Variants in UGT2A1 observed in about 807,000 individuals in gnomAD.
UGT2A1 encodes UDP glucuronosyltransferase family 2 member A1 complex locus.
In UGT2A1, 61 loss-of-function variants were observed where a neutral mutation model predicts 45.4. That is an observed-to-expected ratio of 1.34 (90% CI 1.09 to 1.66). The LOEUF (loss-of-function observed/expected upper bound fraction) is 1.66, where lower values mean the gene tolerates loss of function less well. Among genes scored for constraint, UGT2A1 ranks in the 40% most tolerant of loss-of-function variants. UGT2A1 has a pLI of 0.00. For missense variants in UGT2A1, 649 were observed against 574.3 expected, an observed-to-expected ratio of 1.13 and a Z score of -1.33; for synonymous variants, 229 against 196.2, an observed-to-expected ratio of 1.17 and a Z score of -1.40.
chr4:69,594,474 T>C lies in UGT2A1; in HGVS notation c.1304+3A>G. On this transcript the variant is annotated splice_donor_region_variant and intron_variant, in intron 6 of 6. Transcript: ENST00000286604. Reference sequence around the variant, plus strand: ...GCAAGTTTTTAGGAGCCTTAGTACTTACGAAGGTTCATTAATGACTGTTCT... The same window carrying C: ...GCAAGTTTTTAGGAGCCTTAGTACTCACGAAGGTTCATTAATGACTGTTCT... 1 of 1,614,068 alleles carries C rather than the reference T, an allele frequency of 6.2e-7. No homozygotes were observed. Among genetic ancestry groups the C allele is most frequent in the Non-Finnish European group, 8.5e-7 (1 of 1,179,990 alleles).
intron 3 of UGT2A1, among the ~76,000 whole-genome samples, chr4:69,634,973 C>T (rs1473086638): frequency 1.3e-5 from 2 of 151,868 alleles, no homozygotes; most frequent in African/African-American, 4.8e-5. Flanking sequence ...TCTAAGAATC[C>T]ATCTAAAATT....
intron 3 of UGT2A1, among the ~76,000 whole-genome samples, chr4:69,602,463 TTATCTATCTATC>T (rs71206000): frequency 0.01 from 1,038 of 100,912 alleles, 231 homozygotes; most frequent in African/African-American, 0.034. Flanking sequence ...ATTTAGGAGT[TTATCTATCTATC>T]TATCTATCTA....
At chr4:69,623,884 C>T (rs868237165) in intron 3 of UGT2A1, among the ~76,000 whole-genome samples, 1 of 151,264 alleles carries the variant, frequency 6.6e-6, no homozygotes, top group African/African-American at 2.4e-5. Flanking sequence ...AAAATACAAA[C>T]AAGAAAGATA....
intron 6 of UGT2A1, among the ~76,000 whole-genome samples, chr4:69,594,276 T>C (rs1280251519): frequency 6.6e-6 from 1 of 152,072 alleles, no homozygotes; most frequent in Non-Finnish European, 1.5e-5. Context: ...GCCCGGCCAA[T>C]ATTTGAAGTC....
At chr4:69,650,747 C>T (rs1232451980) in intron 1 of UGT2A1, among the ~76,000 whole-genome samples, 2 of 152,024 alleles carry the variant, frequency 1.3e-5, no homozygotes, top group Non-Finnish European at 2.9e-5. Flanking sequence ...CATGTAATCC[C>T]TTCTCTTTCT....
chr4:69,594,438 A>G, intron 6 of UGT2A1, 39 bp downstream of exon 6: 1 of 1,603,726 alleles, frequency 6.2e-7, no homozygotes, highest in Non-Finnish European at 8.5e-7. Context: ...GAATAATGTA[A>G]TTAAAGTTAG....
intron 3 of UGT2A1, among the ~76,000 whole-genome samples, chr4:69,630,716 A>G (rs1250170184): frequency 6.6e-6 from 1 of 152,136 alleles, no homozygotes; most frequent in East Asian, 1.9e-4. Flanking sequence ...AGGATGTATA[A>G]AAATTATATA....
intron 1 of UGT2A1, among the ~76,000 whole-genome samples, chr4:69,652,062 A>G (rs1340227690): frequency 6.0e-5 from 9 of 150,904 alleles, no homozygotes; most frequent in Admixed American, 2.7e-4. Context: ...CTGCTCTGAA[A>G]CTCCCGTCAG....
intron 1 of UGT2A1, among the ~76,000 whole-genome samples, chr4:69,648,667 T>A (rs556362560): frequency 6.6e-6 from 1 of 152,166 alleles, no homozygotes; most frequent in Admixed American, 6.6e-5. Flanking sequence ...ATTTGCCATG[T>A]TCCTACAGCA....
rs1472565426 is a variant in UGT2A1 at position 69,602,285 on chromosome 4, A to C, written c.848-2891T>G. On this transcript the variant is annotated intron_variant, in intron 3 of 6. Transcript: ENST00000286604. ...TAGAAAAGAATTTCTTTACACCAAC[A>C]AAGGCACTCCAAACAAAAAAGTTTC... is the stretch of plus-strand genomic sequence containing the variant. 5.8e-5 allele frequency among the ~76,000 whole-genome samples: 8 copies of C among 137,250 alleles called. 2 individuals carry two copies. Among genetic ancestry groups the C allele is most frequent in the African/African-American group, 1.5e-4 (5 of 34,106 alleles). 90.0% of individuals were successfully genotyped at this position (137,250 alleles called of 152,430 possible). A position where few individuals can be genotyped will look rare whatever the true frequency, so the allele number is the denominator to read the frequency against.
chr4:69,595,763 A>G (rs1718886651), intron 4 of UGT2A1, among the ~76,000 whole-genome samples: 1 of 152,220 alleles, frequency 6.6e-6, no homozygotes, highest in Admixed American at 6.5e-5. Flanking sequence ...GAGAATATTC[A>G]ACTTAGAAAG....
intron 4 of UGT2A1, 54 bp from the exon 5 acceptor site, chr4:69,595,303 A>C: frequency 6.3e-7 from 1 of 1,586,864 alleles, no homozygotes; most frequent in Non-Finnish European, 8.6e-7. Flanking sequence ...AGGACATTTT[A>C]AGTTGGGAGA....
intron 2 of UGT2A1, among the ~76,000 whole-genome samples, chr4:69,642,132 T>C (rs1325755804): frequency 6.6e-6 from 1 of 151,818 alleles, no homozygotes; most frequent in Non-Finnish European, 1.5e-5. Context: ...AAGAAATATA[T>C]GCATATAAAA....
intron 3 of UGT2A1, among the ~76,000 whole-genome samples, chr4:69,618,461 T>A (rs1178498223): frequency 6.6e-6 from 1 of 151,940 alleles, no homozygotes; most frequent in East Asian, 1.9e-4. Flanking sequence ...AACACATTTC[T>A]AACTTTGTTT....
chr4:69,651,493 A>C lies in UGT2A1; in HGVS notation c.-55+1695T>G, dbSNP rs1054124733. On this transcript the variant is annotated intron_variant, in intron 1 of 6. Coordinates refer to ENST00000286604, the MANE Select transcript of UGT2A1 (RefSeq NM_001252275.3). ...GAAAAAAACTAACGTATTTCAGAAG[A>C]AGCTAGCATACTCAAATATTTTCAT... Among the ~76,000 whole-genome samples the C allele has an allele frequency of 2.6e-5, 4 of 152,226 alleles. No homozygotes were observed. In the East Asian group the frequency reaches 7.7e-4, roughly 29 times the overall value.
At chr4:69,652,972 C>T (rs1219563463) in intron 1 of UGT2A1, among the ~76,000 whole-genome samples, 1 of 152,122 alleles carries the variant, frequency 6.6e-6, no homozygotes, top group Non-Finnish European at 1.5e-5. Flanking sequence ...CACACAGTTC[C>T]CTCGATATCT....
At chr4:69,600,496 C>A (rs1560470647) in intron 3 of UGT2A1, among the ~76,000 whole-genome samples, 1 of 152,140 alleles carries the variant, frequency 6.6e-6, no homozygotes, top group African/African-American at 2.4e-5. Flanking sequence ...TGTGCTATGG[C>A]CACAGGCACA....
intron 2 of UGT2A1, among the ~76,000 whole-genome samples, chr4:69,642,372 A>T (rs972765941): frequency 2.0e-5 from 3 of 151,788 alleles, no homozygotes; most frequent in Admixed American, 6.6e-5. Context: ...AATCAAGATC[A>T]ATGTAAATTA....
intron 3 of UGT2A1, among the ~76,000 whole-genome samples, chr4:69,625,003 CA>C (rs144107776): frequency 2.7e-5 from 4 of 150,262 alleles, no homozygotes; most frequent in South Asian, 4.2e-4. Context: ...CTTGTAGCAA[CA>C]AAAAAAATCA....
Sources: gnomAD v4.1 joint callset for allele counts (sites outside exome capture counted in the v4.1 genomes callset) on GRCh38, gnomAD v4.1.1 for gene constraint, MANE v1.5 for transcripts, NCBI Gene and HGNC (gene_info 2026-07-23, HGNC 2026-07-21) for gene names.